The following SENP7 variants were observed in gnomAD, a reference collection of about 807,000 sequenced individuals.
SENP7 encodes sentrin-specific protease 7.
A neutral mutation model predicts 141.2 loss-of-function variants in SENP7; 64 were observed. The observed-to-expected ratio is 0.45, with a 90% confidence interval of 0.37 to 0.56. SENP7 has a LOEUF of 0.56. Among genes scored for constraint, SENP7 ranks in the 20% least tolerant of loss-of-function variants. The pLI, the probability that SENP7 is intolerant of heterozygous loss-of-function variation, is 0.00. For missense variants in SENP7, 1,025 were observed against 1,212.2 expected, an observed-to-expected ratio of 0.85 and a Z score of 2.29; for synonymous variants, 382 against 426.4, an observed-to-expected ratio of 0.90 and a Z score of 1.28.
At chr3:101,394,761 C>G (rs1005851449) in intron 6 of SENP7, among the ~76,000 whole-genome samples, 1 of 151,920 alleles carries the variant, frequency 6.6e-6, no homozygotes, top group Non-Finnish European at 1.5e-5. Flanking sequence ...TTTACATTCC[C>G]ACCAACAGTG....
intron 4 of SENP7, among the ~76,000 whole-genome samples, chr3:101,445,068 C>T (rs190351754): frequency 5.2e-4 from 79 of 152,070 alleles, no homozygotes; most frequent in South Asian, 4.8e-3. Flanking sequence ...AAGGCAGAGA[C>T]AGAAATCTAA....
At chr3:101,434,045 T>A (rs551718386) in intron 4 of SENP7, among the ~76,000 whole-genome samples, 10 of 152,118 alleles carry the variant, frequency 6.6e-5, no homozygotes, top group African/African-American at 2.4e-4. Context: ...AATAAACGAG[T>A]CTTAAAACTT....
chr3:101,494,575 G>A (rs1035622822), intron 2 of SENP7, among the ~76,000 whole-genome samples: 2 of 151,714 alleles, frequency 1.3e-5, no homozygotes, highest in African/African-American at 2.4e-5. Context: ...GCCATACCAC[G>A]CATTCCTGGA....
At chr3:101,358,189 G>T in intron 11 of SENP7, 1 of 612,694 alleles carries the variant, frequency 1.6e-6, no homozygotes. Context: ...GATCAATGTG[G>T]CAAAACCTTC....
chr3:101,416,968 T>C (rs996193073), intron 5 of SENP7, among the ~76,000 whole-genome samples: 1 of 152,204 alleles, frequency 6.6e-6, no homozygotes, highest in African/African-American at 2.4e-5. Flanking sequence ...TATTATGTTA[T>C]AGATTCCTAG....
chr3:101,414,136 T>C, intron 5 of SENP7: 1 of 476,568 alleles, frequency 2.1e-6, no homozygotes, highest in South Asian at 3.2e-5. Context: ...GCAATAAAGA[T>C]GGAGAACAGA....
At chr3:101,410,677 T>C (rs2061430021) in intron 5 of SENP7, among the ~76,000 whole-genome samples, 1 of 151,764 alleles carries the variant, frequency 6.6e-6, no homozygotes. Context: ...CAAAACTCCA[T>C]CTACTAAAAA....
At chr3:101,484,274 A>G (rs143812301) in intron 3 of SENP7, among the ~76,000 whole-genome samples, 9 of 152,336 alleles carry the variant, frequency 5.9e-5, no homozygotes, top group African/African-American at 1.9e-4. Context: ...ACTGAGAGAA[A>G]ATATTTGAAA....
intron 3 of SENP7, among the ~76,000 whole-genome samples, chr3:101,476,100 GTTTT>G (rs113562526): frequency 2.0e-5 from 3 of 151,960 alleles, no homozygotes; most frequent in Non-Finnish European, 4.4e-5. Flanking sequence ...AACATTGCCA[GTTTT>G]TTTATTATTA....
chr3:101,450,652 T>A (rs1403770639), intron 4 of SENP7, among the ~76,000 whole-genome samples: 2 of 152,168 alleles, frequency 1.3e-5, no homozygotes, highest in Non-Finnish European at 2.9e-5. Flanking sequence ...ATAAAGATGT[T>A]CTTTGAAACC....
chr3:101,493,956 A>C lies in SENP7; in HGVS notation c.103T>G (p.Leu35Val). Residue 35 changes from leucine (L) to valine (V), a missense_variant, in exon 3 of 24, where the codon TTA (leucine) becomes GTA (valine). Leu to Val is a conservative substitution (Grantham distance 32). Transcript: ENST00000394095. Reference protein sequence around the residue: ...SSDLSEIRKMLNAKPEDVHVQ... With the variant: ...SSDLSEIRKMVNAKPEDVHVQ... ...TGGACATCCTCTGGTTTTGCATTTA[A>C]CATCTTTCTTATCTGAAAATAGGAT... The C allele has an allele frequency of 6.2e-7, 1 of 1,604,028 alleles. No individual in the cohort carries two copies. The highest frequency in any genetic ancestry group is 8.5e-7 in the Non-Finnish European group (1 of 1,171,572).
At chr3:101,387,850 T>A (rs1206966053) in intron 6 of SENP7, among the ~76,000 whole-genome samples, 2 of 152,182 alleles carry the variant, frequency 1.3e-5, no homozygotes, top group Non-Finnish European at 2.9e-5. Flanking sequence ...TGAGCACATG[T>A]ATTGTCAGGG....
intron 1 of SENP7, among the ~76,000 whole-genome samples, chr3:101,507,490 C>G (rs977313225): frequency 6.6e-6 from 1 of 152,178 alleles, no homozygotes; most frequent in Non-Finnish European, 1.5e-5. Context: ...TTACCAAATT[C>G]TTTTCCAAAG....
intron 1 of SENP7, among the ~76,000 whole-genome samples, chr3:101,508,315 G>A (rs960491929): frequency 6.6e-6 from 1 of 152,032 alleles, no homozygotes; most frequent in Non-Finnish European, 1.5e-5. Flanking sequence ...GCTTTAAGGA[G>A]GCCAGGCGCA....
chr3:101,489,223 A>G (rs1369417225), intron 3 of SENP7, among the ~76,000 whole-genome samples: 5 of 151,994 alleles, frequency 3.3e-5, no homozygotes, highest in Admixed American at 3.3e-4. Context: ...ACTTAAGCAC[A>G]TAGCCCACAG....
In SENP7 at chr3:101,380,380, A is replaced by G. The variant is rs58452646; in HGVS notation, c.678-8254T>C. 6.7e-3 allele frequency among the ~76,000 whole-genome samples: 1,018 copies of G among 151,948 alleles called. 8 individuals are homozygous for G. Among genetic ancestry groups the G allele is most frequent in the African/African-American group, 0.023 (974 of 41,460 alleles). ...TATCAAGTATATTATAATTTATAGA[A>G]AACTATTTAAAAATAGAAAGAGTCT... is the stretch of plus-strand genomic sequence containing the variant. On this transcript the variant is annotated intron_variant, in intron 6 of 23. Transcript: ENST00000394095.
rs139326676 is a variant in SENP7 at position 101,341,676 on chromosome 3, C to T, written c.2210G>A (p.Arg737Gln). 66 of 1,609,102 alleles carry T rather than the reference C, an allele frequency of 4.1e-5. No homozygotes were observed. The highest frequency in any genetic ancestry group is 4.8e-5 in the Non-Finnish European group (56 of 1,176,532). Reference protein sequence around the residue: ...SITSNPDEEWREVRHTGLVQK... With the variant: ...SITSNPDEEWQEVRHTGLVQK... ...AACAAGTCCAGTGTGCCTGACTTCT[C>T]GCCATTCTTCATCTGGATTAGATGT... Residue 737 changes from arginine (R) to glutamine (Q), a missense_variant, in exon 15 of 24, where the codon CGA becomes CAA. Physicochemically the swap from Arg to Gln is conservative, Grantham distance 43. Around this residue, in one of 4 missense-constraint regions of SENP7, gnomAD observed 295 missense variants for 459.1 expected, o/e 0.64. Transcript: ENST00000394095.
intron 3 of SENP7, among the ~76,000 whole-genome samples, chr3:101,466,071 C>T (rs1289777545): frequency 6.6e-6 from 1 of 151,450 alleles, no homozygotes; most frequent in Non-Finnish European, 1.5e-5. Context: ...AAAAAATAAC[C>T]CATTCAGACA....
intron 3 of SENP7, among the ~76,000 whole-genome samples, chr3:101,468,072 G>A (rs62280733): frequency 0.14 from 20,982 of 152,116 alleles, 1,475 homozygotes; most frequent in South Asian, 0.18. Flanking sequence ...CACAAGCTTC[G>A]ATAGACAATT....
Sources: allele counts gnomAD v4.1 joint callset (sites outside exome capture counted in the v4.1 genomes callset), GRCh38; gene constraint gnomAD v4.1.1; regional missense constraint gnomAD v4.1.1; transcripts MANE v1.5; gene names NCBI Gene and HGNC (gene_info 2026-07-23, HGNC 2026-07-21).